Variants in TMPRSS2 observed in about 807,000 individuals in gnomAD.
TMPRSS2 encodes the protein transmembrane protease serine 2.
Under a neutral mutation model 67.4 loss-of-function variants are expected in TMPRSS2, and 59 were observed. The ratio of observed to expected loss-of-function variants is 0.88; its 90% CI spans 0.71 to 1.09. The LOEUF (loss-of-function observed/expected upper bound fraction) is 1.09, where lower values mean the gene tolerates loss of function less well. TMPRSS2 is among the 50% of genes least tolerant of loss of function. The probability of loss-of-function intolerance (pLI) is 0.00; values close to 1 mark genes in which losing one functional copy is unlikely to be tolerated. For synonymous variants in TMPRSS2, 257 were observed against 257.0 expected, an observed-to-expected ratio of 1.00 and a Z score of 0.00; for missense variants, 668 against 642.7, an observed-to-expected ratio of 1.04 and a Z score of -0.43.
intron 1 of TMPRSS2, chr21:41,506,685 T>C (rs75200570): frequency 0.035 from 5,288 of 152,486 alleles, 195 homozygotes; most frequent in African/African-American, 0.085. Flanking sequence ...CCATCCTTCC[T>C]TCAGGGGAGG....
intron 11 of TMPRSS2, 125 bp downstream of exon 11, chr21:41,470,523 G>T: frequency 1.2e-6 from 1 of 853,130 alleles, no homozygotes; most frequent in Non-Finnish European, 1.8e-6. Flanking sequence ...AAGGACTGGG[G>T]GAATCAACCA....
intron 1 of TMPRSS2, among the ~76,000 whole-genome samples, chr21:41,502,108 G>C (rs1025538240): frequency 1.3e-5 from 2 of 152,214 alleles, no homozygotes; most frequent in Non-Finnish European, 2.9e-5. Flanking sequence ...CCTGGACTGA[G>C]AGCTGAGTCA....
Position 41,473,311 on chromosome 21 carries a change from C to G in TMPRSS2, c.899+14G>C, listed in dbSNP as rs368616850. On this transcript the variant is annotated intron_variant, in intron 9 of 13. Coordinates refer to ENST00000332149, the MANE Select transcript of TMPRSS2 (RefSeq NM_005656.4). ...CCCTGAGCCCCCACCCGGCCCGCGCCGCCCCTGGCATACTTTTCCACGCAG... is the reference window on the plus strand; with the variant it reads ...CCCTGAGCCCCCACCCGGCCCGCGCGGCCCCTGGCATACTTTTCCACGCAG... 6.3e-7 allele frequency: 1 copy of G among 1,575,382 alleles called. No individual in the cohort carries two copies. Among genetic ancestry groups the G allele is most frequent in the Non-Finnish European group, 8.6e-7 (1 of 1,158,032 alleles).
intron 9 of TMPRSS2, among the ~76,000 whole-genome samples, 185 bp downstream of exon 9, chr21:41,473,140 A>C (rs1187313507): frequency 6.6e-6 from 1 of 152,196 alleles, no homozygotes; most frequent in African/African-American, 2.4e-5. Flanking sequence ...CACTCAGTGC[A>C]TACAGCCATG....
intron 5 of TMPRSS2, 78 bp from the exon 6 acceptor site, chr21:41,480,680 C>T: frequency 7.7e-6 from 12 of 1,553,514 alleles, no homozygotes; most frequent in Non-Finnish European, 1.0e-5. Flanking sequence ...GCTCTGTCAC[C>T]TAGGCTGAAG....
chr21:41,476,711 C>T, intron 7 of TMPRSS2, 91 bp from the exon 8 acceptor site: 1 of 1,135,658 alleles, frequency 8.8e-7, no homozygotes, highest in Non-Finnish European at 1.3e-6. Context: ...TTCCGATGTT[C>T]CCTCTCCTGT....
Position 41,503,312 on chromosome 21 carries a change from A to C in TMPRSS2, c.-57+4769T>G, listed in dbSNP as rs535531364. 1.0e-3 allele frequency among the ~76,000 whole-genome samples: 154 copies of C among 152,216 alleles called. 1 individual carries two copies. The highest frequency in any genetic ancestry group is 3.7e-3 in the African/African-American group (152 of 41,542). ...GGCAGGCGGCAGAGGCCCTCAGGTC[A>C]CTCCAGGCGGAGACTTCAACACCAC... On this transcript the variant is annotated intron_variant, in intron 1 of 13. Coordinates refer to ENST00000332149, the MANE Select transcript of TMPRSS2 (RefSeq NM_005656.4).
chr21:41,480,419 C>G (rs2146451391), intron 6 of TMPRSS2, 57 bp downstream of exon 6: 2 of 1,596,628 alleles, frequency 1.3e-6, no homozygotes, highest in Non-Finnish European at 1.7e-6. Context: ...GAGAGAGGGT[C>G]TTCTCGTGTT....
rs929258795 is a variant in TMPRSS2, at chr21:41,465,497, C to G, written c.*645G>C. The G allele has an allele frequency of 8.6e-6, 2 of 233,290 alleles. No homozygotes were observed. The highest frequency in any genetic ancestry group is 4.4e-5 in the African/African-American group (2 of 45,354). The allele number at this position is 233,290 out of a possible 1,614,324, so 14.5% of individuals were successfully genotyped here. On this transcript the variant is annotated 3_prime_UTR_variant, in exon 14 of 14. Transcript: ENST00000332149. ...GCACCAGGAGTGCTCAGGGCAAGTT[C>G]CTTTTCAATTGCTTCCCTCGCACCA...
chr21:41,508,075 G>C lies in TMPRSS2; in HGVS notation c.-57+6C>G, dbSNP rs996236988. On this transcript the variant is annotated splice_donor_region_variant and intron_variant, in intron 1 of 13. Transcript: ENST00000332149. Reference sequence around the variant, plus strand: ...GAGCCGGGACCCTGGTACCGGCGCCGCTCACCTGCCGCGCTCCAGGCGGCG... The same window carrying C: ...GAGCCGGGACCCTGGTACCGGCGCCCCTCACCTGCCGCGCTCCAGGCGGCG... 1.6e-5 allele frequency: 20 copies of C among 1,270,498 alleles called. No individual in the cohort carries two copies. The highest frequency in any genetic ancestry group is 3.2e-5 in the East Asian group (1 of 31,558). The allele number at this position is 1,270,498 out of a possible 1,614,324, so 78.7% of individuals were successfully genotyped here. A position where few individuals can be genotyped will look rare whatever the true frequency, so the allele number is the denominator to read the frequency against.
At chr21:41,494,314 C>T (rs377337994) in intron 3 of TMPRSS2, 42 bp downstream of exon 3, 1 of 1,599,054 alleles carries the variant, frequency 6.3e-7, no homozygotes, top group Admixed American at 1.7e-5. Context: ...AGACCCGGGA[C>T]CCCGGGTTTA....
rs188514624 is a variant in TMPRSS2 at position 41,473,174 on chromosome 21, G to C, written c.899+151C>G. 991 of 896,038 alleles carry C rather than the reference G, an allele frequency of 1.1e-3. 7 individuals are homozygous for C. In the African/African-American group the frequency reaches 0.015, roughly 13 times the overall value. 55.5% of individuals were successfully genotyped at this position (896,038 alleles called of 1,614,324 possible). On this transcript the variant is annotated intron_variant, in intron 9 of 13. Transcript: ENST00000332149. ...TGCACTGCCTGGCATGAGCGCACTT[G>C]ATGTCTCACAGCCCTAGGAAGCAGG...
intron 9 of TMPRSS2, among the ~76,000 whole-genome samples, chr21:41,473,063 G>A (rs1244303185): frequency 6.6e-6 from 1 of 152,172 alleles, no homozygotes; most frequent in East Asian, 1.9e-4. Flanking sequence ...GTGGCTGGAA[G>A]GAACGCTGGT....
At position 41,476,617 on chromosome 21, in the gene TMPRSS2, A is replaced by G. The variant is rs780740692; in HGVS notation, c.687T>C (p.Asp229=). The change falls in exon 8 of 14, where the codon GAT becomes GAC. Residue 229 remains aspartate (D), a synonymous_variant. Transcript: ENST00000332149. The part of the protein sequence containing the change: ...VDIYKKLYHS[D]ACSSKAVVSL... ...AAACCACTGCTTTTGAAGAACAGGC[A>G]TCACTGCAAAAAGAACAGGGGAAAT... is the stretch of plus-strand genomic sequence containing the variant. The G allele has an allele frequency of 4.6e-6, 7 of 1,522,168 alleles. No individual in the cohort carries two copies. Among genetic ancestry groups the G allele is most frequent in the African/African-American group, 1.8e-5 (1 of 55,052 alleles). The allele number at this position is 1,522,168 out of a possible 1,614,324, so 94.3% of individuals were successfully genotyped here.
intron 11 of TMPRSS2, 34 bp downstream of exon 11, chr21:41,470,614 C>T (rs1396364691): frequency 6.3e-7 from 1 of 1,596,432 alleles, no homozygotes; most frequent in South Asian, 1.1e-5. Context: ...CATCTGTGGG[C>T]CCTGCAGTCC....
intron 7 of TMPRSS2, 42 bp from the exon 8 acceptor site, chr21:41,476,662 A>C: frequency 6.5e-7 from 1 of 1,542,066 alleles, no homozygotes; most frequent in South Asian, 1.1e-5. Flanking sequence ...GATAGTGCGG[A>C]GTCACCTGCC....
rs961512611 is a variant in TMPRSS2, at chr21:41,478,011, C to T, written c.683+1161G>A. Among the ~76,000 whole-genome samples, 1 of 152,230 alleles carries T rather than the reference C, an allele frequency of 6.6e-6. No individual in the cohort carries two copies. The highest frequency in any genetic ancestry group is 2.4e-5 in the African/African-American group (1 of 41,458). On this transcript the variant is annotated intron_variant, in intron 7 of 13. Coordinates refer to ENST00000332149, the MANE Select transcript of TMPRSS2 (RefSeq NM_005656.4). The surrounding 1 kb of genome is among the most constrained non-coding windows in gnomAD (Gnocchi z 4.0). ...GGGACGGCAGCACCTCCTCCCCTCC[C>T]CCCGTCCCTGCCCGGCTGGACTTGG...
chr21:41,507,344 C>G (rs1016731649), intron 1 of TMPRSS2, among the ~76,000 whole-genome samples: 23 of 152,128 alleles, frequency 1.5e-4, no homozygotes, highest in South Asian at 2.1e-4. Context: ...AGGAGCCAGA[C>G]CGGCTCCTCC....
chr21:41,507,805 G>T, intron 1 of TMPRSS2: 1 of 940,492 alleles, frequency 1.1e-6, no homozygotes, highest in Non-Finnish European at 1.5e-6. Flanking sequence ...AGGACCACCT[G>T]CCCCAACCTC....
Sources: gnomAD v4.1 joint callset for allele counts (sites outside exome capture counted in the v4.1 genomes callset) on GRCh38, gnomAD v4.1.1 for gene constraint, Gnocchi (gnomAD v3.1) non-coding constraint, MANE v1.5 for transcripts, NCBI Gene and HGNC (gene_info 2026-07-23, HGNC 2026-07-21) for gene names.